PRELID2: variants seen among roughly 807,000 people sequenced by gnomAD.
The protein encoded by PRELID2 is PRELI domain containing 2.
In PRELID2, 25 loss-of-function variants were observed where a neutral mutation model predicts 28.4. The observed-to-expected ratio is 0.88, with a 90% CI of 0.64 to 1.23. The LOEUF is 1.23. Among genes scored for constraint, PRELID2 ranks in the 50% most tolerant of loss-of-function variants. The pLI, the probability that PRELID2 is intolerant of heterozygous loss-of-function variation, is 0.00. For synonymous variants in PRELID2, 76 were observed against 71.6 expected (o/e 1.06, Z -0.31); for missense variants, 201 against 214.4 (o/e 0.94, Z 0.39).
At chr5:145,577,167 A>G (rs1466031694) in intron 1 of PRELID2, among the ~76,000 whole-genome samples, 2 of 152,152 alleles carry the variant, frequency 1.3e-5, no homozygotes, top group African/African-American at 4.8e-5. Context: ...CTTTAAGTGC[A>G]CATACATCAG....
At chr5:145,390,598 T>G in the PRELID2 span, among the ~76,000 whole-genome samples, 1 of 152,188 alleles carries the variant, frequency 6.6e-6, no homozygotes, top group Non-Finnish European at 1.5e-5. Context: ...CAATTCAGGA[T>G]GAGATTTGGG....
the PRELID2 span, chr5:145,229,159 A>G: frequency 7.2e-6 from 7 of 970,820 alleles, no homozygotes; most frequent in African/African-American, 1.6e-5. Flanking sequence ...TGTGTGTCCC[A>G]CAGCCCCACA....
At chr5:145,418,998 C>T in the PRELID2 span, among the ~76,000 whole-genome samples, 2,255 of 150,126 alleles carry the variant, frequency 0.015, 57 homozygotes, top group African/African-American at 0.051. Flanking sequence ...TTTGTTCTTG[C>T]GATAGTTTAC....
the PRELID2 span, among the ~76,000 whole-genome samples, chr5:145,372,034 A>T: frequency 6.6e-6 from 1 of 151,498 alleles, no homozygotes; most frequent in African/African-American, 2.4e-5. Context: ...TTTAATTGTG[A>T]TGTTAGTGTG....
At chr5:145,337,686 AATATAT>A in the PRELID2 span, among the ~76,000 whole-genome samples, 3,225 of 79,706 alleles carry the variant, frequency 0.04, 73 homozygotes, top group Middle Eastern at 0.048. Context: ...GCATAGGGCA[AATATAT>A]ATATATATAT....
At chr5:145,695,854 G>A (rs1031771996) in intron 1 of PRELID2, among the ~76,000 whole-genome samples, 12 of 152,038 alleles carry the variant, frequency 7.9e-5, no homozygotes, top group African/African-American at 2.9e-4. Flanking sequence ...TTCTACCATA[G>A]TCAACTGATC....
chr5:145,324,037 C>A, the PRELID2 span, among the ~76,000 whole-genome samples: 1 of 152,164 alleles, frequency 6.6e-6, no homozygotes, highest in South Asian at 2.1e-4. Flanking sequence ...GAGAAATCAC[C>A]AAACTGCTTT....
chr5:145,517,970 A>C (rs1275385321), intron 1 of PRELID2, among the ~76,000 whole-genome samples: 1 of 151,988 alleles, frequency 6.6e-6, no homozygotes, highest in African/African-American at 2.4e-5. Context: ...GGTTGGGAAC[A>C]TCACACACTG....
intron 1 of PRELID2, chr5:145,826,057 G>A: frequency 1.0e-6 from 1 of 985,392 alleles, no homozygotes; most frequent in Non-Finnish European, 1.2e-6. Flanking sequence ...ACACAATCCA[G>A]TATGACTGCA....
At chr5:145,410,411 T>A in the PRELID2 span, among the ~76,000 whole-genome samples, 1 of 152,204 alleles carries the variant, frequency 6.6e-6, no homozygotes, top group Non-Finnish European at 1.5e-5. Flanking sequence ...TTGCAAACTA[T>A]GTGTATTAGT....
At chr5:145,766,486 T>C (rs1757770536) in intron 5 of PRELID2, among the ~76,000 whole-genome samples, 1 of 152,066 alleles carries the variant, frequency 6.6e-6, no homozygotes, top group Non-Finnish European at 1.5e-5. Context: ...GAGAAGACAA[T>C]AAAATATATT....
intron 1 of PRELID2, among the ~76,000 whole-genome samples, chr5:145,497,110 C>A (rs565544973): frequency 6.6e-6 from 1 of 152,108 alleles, no homozygotes; most frequent in Non-Finnish European, 1.5e-5. Flanking sequence ...GTGATCCTCC[C>A]ACCTCAACCT....
chr5:145,730,358 G>A (rs530590750), intron 1 of PRELID2, among the ~76,000 whole-genome samples: 130 of 152,250 alleles, frequency 8.5e-4, no homozygotes, highest in African/African-American at 2.9e-3. Flanking sequence ...CCCCATGCCC[G>A]TAATGTAGAA....
At chr5:145,546,257 G>A (rs943466546) in intron 1 of PRELID2, among the ~76,000 whole-genome samples, 2 of 151,898 alleles carry the variant, frequency 1.3e-5, no homozygotes, top group Non-Finnish European at 2.9e-5. Context: ...AAAATTAACA[G>A]GGAAACAGAA....
chr5:145,825,198 C>T (rs2149878396), intron 1 of PRELID2, among the ~76,000 whole-genome samples: 1 of 132,498 alleles, frequency 7.5e-6, no homozygotes, highest in African/African-American at 2.8e-5. Context: ...TGCACTCCAG[C>T]CTCGGTGATA....
At chr5:145,716,727 TGAA>T (rs1177463539) in intron 1 of PRELID2, among the ~76,000 whole-genome samples, 2 of 152,304 alleles carry the variant, frequency 1.3e-5, no homozygotes, top group Admixed American at 6.5e-5. Context: ...TCTATGCTAC[TGAA>T]GATCTGAATA....
chr5:145,526,450 G>C (rs999078192), intron 1 of PRELID2, among the ~76,000 whole-genome samples: 2 of 152,166 alleles, frequency 1.3e-5, no homozygotes, highest in Non-Finnish European at 2.9e-5. Flanking sequence ...ATGGCAAGCT[G>C]CTTCCTATAT....
chr5:145,604,873 C>T (rs1561517218), intron 1 of PRELID2, among the ~76,000 whole-genome samples: 1 of 93,408 alleles, frequency 1.1e-5, no homozygotes, highest in South Asian at 3.1e-4. Flanking sequence ...TTTTAATATG[C>T]TTGTTGGCCA....
chr5:145,282,341 G>A, the PRELID2 span, among the ~76,000 whole-genome samples: 1 of 152,082 alleles, frequency 6.6e-6, no homozygotes, highest in Non-Finnish European at 1.5e-5. Flanking sequence ...GAATGAATAT[G>A]TAGCTACTAA....
Sources: allele counts gnomAD v4.1 joint callset (sites outside exome capture counted in the v4.1 genomes callset), GRCh38; gene constraint gnomAD v4.1.1; transcripts MANE v1.5; gene names NCBI Gene and HGNC (gene_info 2026-07-23, HGNC 2026-07-21).